Variants in FER observed in about 807,000 individuals in gnomAD.
FER encodes FER tyrosine kinase.
FER carries 63 observed loss-of-function variants against 111.0 expected under a neutral mutation model. That is an observed-to-expected ratio of 0.57 (90% CI 0.46 to 0.70). FER has a LOEUF of 0.70. FER is among the 30% of genes least tolerant of loss of function. FER has a pLI of 0.00. For synonymous variants in FER, 327 were observed against 313.9 expected, an observed-to-expected ratio of 1.04 and a Z score of -0.44; for missense variants, 914 against 954.0, an observed-to-expected ratio of 0.96 and a Z score of 0.55.
intron 13 of FER, among the ~76,000 whole-genome samples, chr5:108,997,467 A>G (rs1189681777): frequency 6.6e-6 from 1 of 151,762 alleles, no homozygotes; most frequent in African/African-American, 2.4e-5. Context: ...GGTTTTCCAA[A>G]TATACACTCA....
chr5:108,936,684 T>C (rs1023106174), intron 10 of FER, among the ~76,000 whole-genome samples: 1 of 152,028 alleles, frequency 6.6e-6, no homozygotes, highest in Non-Finnish European at 1.5e-5. Context: ...ATTTGGTAAT[T>C]GGTAATGTTG....
intron 16 of FER, among the ~76,000 whole-genome samples, chr5:109,099,083 T>A (rs977368751): frequency 2.0e-5 from 3 of 151,690 alleles, no homozygotes; most frequent in Admixed American, 6.6e-5. Context: ...CTAATCTCTC[T>A]TTTAAAATTC....
intron 2 of FER, among the ~76,000 whole-genome samples, chr5:108,790,235 C>CCACACACACACACACA (rs66805209): frequency 1.3e-3 from 184 of 145,200 alleles, no homozygotes; most frequent in Middle Eastern, 3.5e-3. Context: ...TGCATACACA[C>CCACACACACACACACA]CACACACACA....
At chr5:108,787,434 G>A (rs986565657) in intron 2 of FER, among the ~76,000 whole-genome samples, 12 of 152,206 alleles carry the variant, frequency 7.9e-5, no homozygotes, top group African/African-American at 2.7e-4. Context: ...TAGGCAGAAA[G>A]GGGTGGGTCC....
intron 8 of FER, among the ~76,000 whole-genome samples, chr5:108,881,401 T>TA (rs1329445690): frequency 6.6e-6 from 1 of 152,098 alleles, no homozygotes; most frequent in East Asian, 1.9e-4. Context: ...TCATGAGACT[T>TA]ACTCACTATT....
At chr5:108,781,577 A>T (rs192702369) in intron 2 of FER, among the ~76,000 whole-genome samples, 5 of 152,346 alleles carry the variant, frequency 3.3e-5, no homozygotes, top group Non-Finnish European at 7.3e-5. Flanking sequence ...GAGCTGCTGT[A>T]TAGGTCTTTA....
chr5:109,036,283 T>C (rs573651224), intron 13 of FER, among the ~76,000 whole-genome samples: 5 of 152,190 alleles, frequency 3.3e-5, no homozygotes, highest in African/African-American at 1.2e-4. Context: ...AGCATTAACT[T>C]TATATTTAGG....
At chr5:108,776,371 G>A (rs979383587) in intron 2 of FER, among the ~76,000 whole-genome samples, 2 of 151,730 alleles carry the variant, frequency 1.3e-5, no homozygotes, top group African/African-American at 4.8e-5. Context: ...AAAATAAATT[G>A]CCCCTACAAT....
At chr5:108,893,078 G>A (rs1748415722) in intron 9 of FER, among the ~76,000 whole-genome samples, 1 of 152,178 alleles carries the variant, frequency 6.6e-6, no homozygotes, top group Non-Finnish European at 1.5e-5. Flanking sequence ...TAGCCTTGTA[G>A]TATAGTTTGA....
chr5:108,794,127 C>T (rs1755713948), intron 2 of FER, among the ~76,000 whole-genome samples: 1 of 151,772 alleles, frequency 6.6e-6, no homozygotes, highest in Non-Finnish European at 1.5e-5. Flanking sequence ...TTACTTCTAC[C>T]AGTGAGTTTT....
chr5:108,898,840 T>A (rs977985768), intron 10 of FER, among the ~76,000 whole-genome samples: 1 of 151,532 alleles, frequency 6.6e-6, no homozygotes, highest in African/African-American at 2.4e-5. Flanking sequence ...GGGTAGAGAT[T>A]GGTGATGCTG....
In FER at chr5:108,986,283, T is replaced by A. The variant is rs530072147; in HGVS notation, c.1656+26936T>A. On this transcript the variant is annotated intron_variant, in intron 13 of 19. Coordinates refer to ENST00000281092, the MANE Select transcript of FER (RefSeq NM_005246.4). Reference sequence around the variant, plus strand: ...GTCGTTAGCCCACTTTTTGCTGGGTTTTTTTCTTCTCTTTTTTTTTTTTCC... The same window carrying A: ...GTCGTTAGCCCACTTTTTGCTGGGTATTTTTCTTCTCTTTTTTTTTTTTCC... 2.0e-5 allele frequency among the ~76,000 whole-genome samples: 3 copies of A among 148,584 alleles called. No homozygotes were observed. The South Asian group carries it at 6.4e-4, about 32-fold the overall frequency.
intron 5 of FER, among the ~76,000 whole-genome samples, chr5:108,851,114 T>C (rs1231620067): frequency 6.6e-6 from 1 of 152,226 alleles, no homozygotes; most frequent in Admixed American, 6.5e-5. Flanking sequence ...GTTCATGTTG[T>C]AGATAATATA....
At chr5:109,098,453 GA>G (rs1247050315) in intron 16 of FER, among the ~76,000 whole-genome samples, 1 of 151,666 alleles carries the variant, frequency 6.6e-6, no homozygotes, top group African/African-American at 2.4e-5. Flanking sequence ...TCAAATTGCA[GA>G]AAAGATCATT....
intron 17 of FER, among the ~76,000 whole-genome samples, chr5:109,179,751 G>T (rs895153503): frequency 6.6e-6 from 1 of 150,718 alleles, no homozygotes; most frequent in East Asian, 2.0e-4. Flanking sequence ...ATGATTTAAA[G>T]TATATAGGAT....
intron 16 of FER, among the ~76,000 whole-genome samples, chr5:109,099,047 A>G (rs1747881686): frequency 6.6e-6 from 1 of 151,704 alleles, no homozygotes; most frequent in African/African-American, 2.4e-5. Context: ...AAAGAAAAAA[A>G]TAGTCTAGAA....
At chr5:109,009,761 G>C (rs1159205004) in intron 13 of FER, among the ~76,000 whole-genome samples, 1 of 152,164 alleles carries the variant, frequency 6.6e-6, no homozygotes, top group African/African-American at 2.4e-5. Flanking sequence ...TGCTGACTTA[G>C]CCTGGATTTA....
intron 17 of FER, among the ~76,000 whole-genome samples, chr5:109,113,979 G>A (rs886739631): frequency 3.9e-5 from 6 of 152,000 alleles, no homozygotes; most frequent in African/African-American, 1.4e-4. Context: ...ATATAATCAA[G>A]GCCTTAAGAA....
At chr5:108,844,949 C>T (rs1286791793) in intron 5 of FER, among the ~76,000 whole-genome samples, 2 of 129,870 alleles carry the variant, frequency 1.5e-5, no homozygotes, top group African/African-American at 5.5e-5. Flanking sequence ...TGGGCCATTA[C>T]AAATAAAATG....
Sources: gnomAD v4.1 joint callset for allele counts (sites outside exome capture counted in the v4.1 genomes callset) on GRCh38, gnomAD v4.1.1 for gene constraint, MANE v1.5 for transcripts, NCBI Gene and HGNC (gene_info 2026-07-23, HGNC 2026-07-21) for gene names.